Variants in MRPL50 observed in about 807,000 individuals in gnomAD.
The protein encoded by MRPL50 is mitochondrial ribosomal protein L50.
A neutral mutation model predicts 16.2 loss-of-function variants in MRPL50; 10 were observed. That is an observed-to-expected ratio of 0.62 (90% confidence interval 0.38 to 1.05). The LOEUF (loss-of-function observed/expected upper bound fraction) is 1.05. Among genes scored for constraint, MRPL50 ranks in the 50% least tolerant of loss-of-function variants. MRPL50 has a pLI of 0.01. For synonymous variants in MRPL50, 68 were observed against 66.8 expected (o/e 1.02, Z -0.09); for missense variants, 213 against 187.1 (o/e 1.14, Z -0.81).
At chr9:101,390,959 G>A in intron 1 of MRPL50, 109 bp from the exon 2 acceptor site, 10 of 1,206,612 alleles carry the variant, frequency 8.3e-6, no homozygotes, top group Non-Finnish European at 1.0e-5. Flanking sequence ...TTACCACTGG[G>A]GACTACTGAG....
chr9:101,390,004 A>T lies in MRPL50; in HGVS notation c.*462T>A, dbSNP rs1353789244. On this transcript the variant is annotated 3_prime_UTR_variant, in exon 2 of 2. Transcript: ENST00000374865. ...TCTACTTTAATTCTAAAAGAAATTA[A>T]TCTAGAACTGTCAGTAATACACAAC... The T allele has an allele frequency of 4.3e-6, 4 of 921,876 alleles. No homozygotes were observed. Among genetic ancestry groups the T allele is most frequent in the African/African-American group, 3.6e-5 (2 of 55,842 alleles). 57.1% of individuals were successfully genotyped at this position (921,876 alleles called of 1,614,324 possible). A position where few individuals can be genotyped will look rare whatever the true frequency, so the allele number is the denominator to read the frequency against.
intron 1 of MRPL50, among the ~76,000 whole-genome samples, chr9:101,397,458 T>G (rs1830370037): frequency 6.6e-6 from 1 of 152,220 alleles, no homozygotes; most frequent in African/African-American, 2.4e-5. Context: ...GTTTTCTTCA[T>G]AATTTACCAC....
In MRPL50 at chr9:101,388,862, T is replaced by C. The variant is rs1830234162; in HGVS notation, c.*1604A>G. Reference sequence around the variant, plus strand: ...CCTTCTCATTATTCCCTAATCAGCATAACAACTATTTACATAGCTATTTAC... The same window carrying C: ...CCTTCTCATTATTCCCTAATCAGCACAACAACTATTTACATAGCTATTTAC... On this transcript the variant is annotated 3_prime_UTR_variant, in exon 2 of 2. Coordinates refer to ENST00000374865, the MANE Select transcript of MRPL50 (RefSeq NM_019051.3). The C allele has an allele frequency of 6.6e-6, 1 of 152,162 alleles. No individual in the cohort carries two copies. 9.4% of individuals were successfully genotyped at this position (152,162 alleles called of 1,614,324 possible).
rs1830240249 is a variant in MRPL50, at chr9:101,389,287, G to C, written c.*1179C>G. On this transcript the variant is annotated 3_prime_UTR_variant, in exon 2 of 2. Coordinates refer to ENST00000374865, the MANE Select transcript of MRPL50 (RefSeq NM_019051.3). ...ATCTGTGGACTTTGGTATCCAAGTA[G>C]GTGTCCTGGAACCAATCCCCAAGGA... 10 of 284,924 alleles carry C rather than the reference G, an allele frequency of 3.5e-5. No individual in the cohort carries two copies. The highest frequency in any genetic ancestry group is 3.4e-4 in the South Asian group (10 of 29,492). The allele number at this position is 284,924 out of a possible 1,614,324, so 17.6% of individuals were successfully genotyped here. A position where few individuals can be genotyped will look rare whatever the true frequency, so the allele number is the denominator to read the frequency against.
rs763715402 is a variant in MRPL50, at chr9:101,388,891, G to T, written c.*1575C>A. 2 of 151,900 alleles carry T rather than the reference G, an allele frequency of 1.3e-5. No individual in the cohort carries two copies. The highest frequency in any genetic ancestry group is 2.9e-5 in the Non-Finnish European group (2 of 67,960). 9.4% of individuals were successfully genotyped at this position (151,900 alleles called of 1,614,324 possible). A position where few individuals can be genotyped will look rare whatever the true frequency, so the allele number is the denominator to read the frequency against. ...AACTATTTACATAGCTATTTACATTGTATTCACTATTTACATAGCTACTTA... is the reference window on the plus strand; with the variant it reads ...AACTATTTACATAGCTATTTACATTTTATTCACTATTTACATAGCTACTTA... On this transcript the variant is annotated 3_prime_UTR_variant, in exon 2 of 2. Coordinates refer to ENST00000374865, the MANE Select transcript of MRPL50 (RefSeq NM_019051.3).
In MRPL50 at chr9:101,388,328, C is replaced by T. The variant is rs1830227060; in HGVS notation, c.*2138G>A. 1 of 152,068 alleles carries T rather than the reference C, an allele frequency of 6.6e-6. No individual in the cohort carries two copies. Among genetic ancestry groups the T allele is most frequent in the Admixed American group, 6.6e-5 (1 of 15,262 alleles). The allele number at this position is 152,068 out of a possible 1,614,324, so 9.4% of individuals were successfully genotyped here. A position where few individuals can be genotyped will look rare whatever the true frequency, so the allele number is the denominator to read the frequency against. On this transcript the variant is annotated 3_prime_UTR_variant, in exon 2 of 2. Coordinates refer to ENST00000374865, the MANE Select transcript of MRPL50 (RefSeq NM_019051.3). ...CTGCTTGGTTTTTGCAGTTACCACT[C>T]CAGTTGTAACTGTTTTTCCACATAG...
chr9:101,389,347 C>T lies in MRPL50; in HGVS notation c.*1119G>A. Reference sequence around the variant, plus strand: ...AATGTCTAAGCTCCAGAGCTCCAGGCACTCTGACACCTGAAGTTCTTGAAT... The same window carrying T: ...AATGTCTAAGCTCCAGAGCTCCAGGTACTCTGACACCTGAAGTTCTTGAAT... On this transcript the variant is annotated 3_prime_UTR_variant, in exon 2 of 2. Coordinates refer to ENST00000374865, the MANE Select transcript of MRPL50 (RefSeq NM_019051.3). 1.4e-6 allele frequency: 1 copy of T among 697,458 alleles called. No homozygotes were observed. The highest frequency in any genetic ancestry group is 2.1e-6 in the Non-Finnish European group (1 of 479,248). The allele number at this position is 697,458 out of a possible 1,614,324, so 43.2% of individuals were successfully genotyped here.
At chr9:101,396,108 C>T (rs960209508) in intron 1 of MRPL50, among the ~76,000 whole-genome samples, 3 of 151,984 alleles carry the variant, frequency 2.0e-5, no homozygotes, top group Non-Finnish European at 4.4e-5. Flanking sequence ...TACAAATAAA[C>T]ATCACCTCAT....
Position 101,388,606 on chromosome 9 carries a change from G to A in MRPL50, c.*1860C>T, listed in dbSNP as rs1044621580. 14 of 150,558 alleles carry A rather than the reference G, an allele frequency of 9.3e-5. No individual in the cohort carries two copies. The highest frequency in any genetic ancestry group is 3.4e-4 in the African/African-American group (14 of 40,968). 9.3% of individuals were successfully genotyped at this position (150,558 alleles called of 1,614,324 possible). ...AATTTAATCTTTCAGGAAAACTAAA[G>A]GCCATTATTCTGATATAGTCACTGT... On this transcript the variant is annotated 3_prime_UTR_variant, in exon 2 of 2. Transcript: ENST00000374865.
At position 101,390,660 on chromosome 9, in the gene MRPL50, G is replaced by T; in HGVS notation, c.283C>A (p.Arg95Ser). The change falls in exon 2 of 2, where the codon CGT becomes AGT. Residue 95 changes from arginine to serine, a missense_variant. Coordinates refer to ENST00000374865, the MANE Select transcript of MRPL50 (RefSeq NM_019051.3). ...NWQDISLEDS[R>S]LKFNLLAHLA... ...TGAGCCAGAAGATTGAACTTTAGAC[G>T]ACTATCTTCCAGGGAGATGTCTTGC... The T allele has an allele frequency of 1.2e-6, 2 of 1,609,834 alleles. No individual in the cohort carries two copies. The highest frequency in any genetic ancestry group is 1.7e-6 in the Non-Finnish European group (2 of 1,177,488).
rs772196147 is a variant in MRPL50, at chr9:101,390,552, T to C, written c.391A>G (p.Asn131Asp). 6.2e-7 allele frequency: 1 copy of C among 1,613,388 alleles called. No homozygotes were observed. Among genetic ancestry groups the C allele is most frequent in the Non-Finnish European group, 8.5e-7 (1 of 1,179,498 alleles). Residue 131 changes from asparagine to aspartate, a missense_variant, in exon 2 of 2, where the codon AAT becomes GAT. Transcript: ENST00000374865. ...TTAGATCTATCTTGAATAGGGACAT[T>C]ATAGAAATCAAGAACATCTCTAACC... ...CRVRDVLDFY[N>D]VPIQDRSKFD...
rs1472967917 is a variant in MRPL50 at position 101,389,561 on chromosome 9, T to G, written c.*905A>C. 1.0e-6 allele frequency: 1 copy of G among 989,442 alleles called. No homozygotes were observed. The highest frequency in any genetic ancestry group is 1.4e-6 in the Non-Finnish European group (1 of 723,898). 61.3% of individuals were successfully genotyped at this position (989,442 alleles called of 1,614,324 possible). A position where few individuals can be genotyped will look rare whatever the true frequency, so the allele number is the denominator to read the frequency against. ...ACTTTTCTTTAGGAATTGTCAGCAGTCAGAACAATATAAGACATTCCTTCT... is the reference window on the plus strand; with the variant it reads ...ACTTTTCTTTAGGAATTGTCAGCAGGCAGAACAATATAAGACATTCCTTCT... On this transcript the variant is annotated 3_prime_UTR_variant, in exon 2 of 2. Transcript: ENST00000374865.
chr9:101,390,508 G>A lies in MRPL50; in HGVS notation c.435C>T (p.Ala145=), dbSNP rs8394. 17 of 1,612,068 alleles carry A rather than the reference G, an allele frequency of 1.1e-5. 1 individual carries two copies. In the Admixed American group the frequency reaches 2.7e-4, roughly 25 times the overall value. The change falls in exon 2 of 2, where the codon GCC becomes GCT. Residue 145 remains alanine, a synonymous_variant. Transcript: ENST00000374865. ...TTTTCAAATTGGGGGGCAGATTACT[G>A]GCACTGAGTTCATCAAATTTAGATC... The part of the protein sequence containing the change: ...QDRSKFDELS[A]SNLPPNLKIT...
chr9:101,390,863 A>G lies in MRPL50; in HGVS notation c.93-13T>C. On this transcript the variant is annotated splice_polypyrimidine_tract_variant and intron_variant, in intron 1 of 1. Coordinates refer to ENST00000374865, the MANE Select transcript of MRPL50 (RefSeq NM_019051.3). ...CTCTTTCTCTTTTCTGGAATGATCAAAAACAAACAGACAAATCCATTAATG... is the reference window on the plus strand; with the variant it reads ...CTCTTTCTCTTTTCTGGAATGATCAGAAACAAACAGACAAATCCATTAATG... 1 of 1,568,240 alleles carries G rather than the reference A, an allele frequency of 6.4e-7. No homozygotes were observed. Among genetic ancestry groups the G allele is most frequent in the Non-Finnish European group, 8.6e-7 (1 of 1,162,428 alleles).
intron 1 of MRPL50, among the ~76,000 whole-genome samples, chr9:101,394,417 A>G (rs1830314447): frequency 6.6e-6 from 1 of 152,206 alleles, no homozygotes; most frequent in Non-Finnish European, 1.5e-5. Context: ...ACCCAGGATC[A>G]TAAGTTGGCA....
intron 1 of MRPL50, 108 bp from the exon 2 acceptor site, chr9:101,390,958 G>C: frequency 8.2e-7 from 1 of 1,225,564 alleles, no homozygotes; most frequent in South Asian, 1.5e-5. Context: ...ATTACCACTG[G>C]GGACTACTGA....
In MRPL50 at chr9:101,389,514, T is replaced by C. The variant is rs1830242507; in HGVS notation, c.*952A>G. ...TGGGAAAGAGAATAAATGCAACTTATTTTGTTAAAAACCCTTCTATCACTT... is the reference window on the plus strand; with the variant it reads ...TGGGAAAGAGAATAAATGCAACTTACTTTGTTAAAAACCCTTCTATCACTT... On this transcript the variant is annotated 3_prime_UTR_variant, in exon 2 of 2. Transcript: ENST00000374865. The C allele has an allele frequency of 7.8e-7, 1 of 1,276,868 alleles. No individual in the cohort carries two copies. The highest frequency in any genetic ancestry group is 1.2e-5 in the South Asian group (1 of 80,554). The allele number at this position is 1,276,868 out of a possible 1,614,324, so 79.1% of individuals were successfully genotyped here.
Position 101,390,222 on chromosome 9 carries a change from CTT to C in MRPL50, c.*242_*243del. On this transcript the variant is annotated 3_prime_UTR_variant, in exon 2 of 2. Coordinates refer to ENST00000374865, the MANE Select transcript of MRPL50 (RefSeq NM_019051.3). ...CCAAGTTGACAGTGCCCTCTCAAAA[CTT>C]TTCATAAATAATGACCTAATTTCAT... The C allele has an allele frequency of 8.3e-7, 1 of 1,202,562 alleles. No homozygotes were observed. 74.5% of individuals were successfully genotyped at this position (1,202,562 alleles called of 1,614,324 possible). A position where few individuals can be genotyped will look rare whatever the true frequency, so the allele number is the denominator to read the frequency against.
chr9:101,389,848 G>C lies in MRPL50; in HGVS notation c.*618C>G. 1 of 247,246 alleles carries C rather than the reference G, an allele frequency of 4.0e-6. No individual in the cohort carries two copies. Among genetic ancestry groups the C allele is most frequent in the Non-Finnish European group, 6.5e-6 (1 of 154,130 alleles). The allele number at this position is 247,246 out of a possible 1,614,324, so 15.3% of individuals were successfully genotyped here. On this transcript the variant is annotated 3_prime_UTR_variant, in exon 2 of 2. Coordinates refer to ENST00000374865, the MANE Select transcript of MRPL50 (RefSeq NM_019051.3). Reference sequence around the variant, plus strand: ...AATCTGGCACATCTCTTATGAGGAAGAGTCACAGCACTCAATATTTGGCAT... The same window carrying C: ...AATCTGGCACATCTCTTATGAGGAACAGTCACAGCACTCAATATTTGGCAT...
Sources: gnomAD v4.1 joint callset for allele counts (sites outside exome capture counted in the v4.1 genomes callset) on GRCh38, gnomAD v4.1.1 for gene constraint, MANE v1.5 for transcripts, NCBI Gene and HGNC (gene_info 2026-07-23, HGNC 2026-07-21) for gene names.